The following ARFGAP3 variants were observed in gnomAD, a reference collection of about 807,000 sequenced individuals.
The protein encoded by ARFGAP3 is ADP-ribosylation factor GTPase-activating protein 3.
In ARFGAP3, 72 loss-of-function variants were observed where a neutral mutation model predicts 75.0. The observed-to-expected ratio is 0.96, with a 90% CI of 0.79 to 1.17. The LOEUF is 1.17. ARFGAP3 is among the 50% of genes most tolerant of loss of function. ARFGAP3 has a pLI of 0.00. For missense variants in ARFGAP3, 620 were observed against 626.6 expected, an observed-to-expected ratio of 0.99 and a Z score of 0.11; for synonymous variants, 221 against 217.9, an observed-to-expected ratio of 1.01 and a Z score of -0.13.
intron 5 of ARFGAP3, among the ~76,000 whole-genome samples, chr22:42,833,356 T>C (rs952962021): frequency 2.0e-5 from 3 of 152,176 alleles, no homozygotes; most frequent in African/African-American, 7.2e-5. Context: ...TAGTAATAAA[T>C]TCTCAGTTCT....
chr22:42,817,296 A>T (rs200976602), intron 10 of ARFGAP3, 32 bp from the exon 11 acceptor site: 480 of 1,562,136 alleles, frequency 3.1e-4, no homozygotes, highest in Non-Finnish European at 2.4e-4. Flanking sequence ...ATATATCAGT[A>T]AGTTCACAAA....
chr22:42,799,219 C>T, intron 14 of ARFGAP3, 59 bp from the exon 15 acceptor site: 1 of 1,599,790 alleles, frequency 6.3e-7, no homozygotes, highest in Non-Finnish European at 8.5e-7. Flanking sequence ...GCGGCAAACC[C>T]AGTACCCAGA....
intron 2 of ARFGAP3, 166 bp downstream of exon 2, chr22:42,847,348 A>G (rs764015299): frequency 3.0e-4 from 174 of 584,662 alleles, no homozygotes; most frequent in Non-Finnish European, 4.5e-4. Flanking sequence ...TATTTTTTGT[A>G]GAGGCTGAGT....
chr22:42,817,975 T>A, intron 9 of ARFGAP3, 118 bp from the exon 10 acceptor site: 1 of 1,286,588 alleles, frequency 7.8e-7, no homozygotes, highest in Non-Finnish European at 1.0e-6. Context: ...TTTCCATAAT[T>A]AACAATTATG....
intron 7 of ARFGAP3, among the ~76,000 whole-genome samples, chr22:42,826,422 C>G (rs1349937048): frequency 6.6e-6 from 1 of 151,750 alleles, no homozygotes; most frequent in African/African-American, 2.4e-5. Flanking sequence ...CTCTGTCACC[C>G]AGGGCAGAGT....
chr22:42,838,133 A>G (rs1181495347), intron 3 of ARFGAP3, among the ~76,000 whole-genome samples: 4 of 151,934 alleles, frequency 2.6e-5, no homozygotes, highest in African/African-American at 9.7e-5. Context: ...CATTGGATCC[A>G]ATTTAAATGG....
chr22:42,831,586 T>G lies in ARFGAP3; in HGVS notation c.528A>C (p.Thr176=), dbSNP rs201281390. 2 of 1,613,990 alleles carry G rather than the reference T, an allele frequency of 1.2e-6. No individual in the cohort carries two copies. The highest frequency in any genetic ancestry group is 1.7e-6 in the Non-Finnish European group (2 of 1,179,966). ...CCAAAGTGGTTTCCACAGGCCTTGATGTTAAAGAAGATGGTTCTGCTATTG... is the reference window on the plus strand; with the variant it reads ...CCAAAGTGGTTTCCACAGGCCTTGAGGTTAAAGAAGATGGTTCTGCTATTG... ...ASAIAEPSSL[T]SRPVETTLEN... is the part of the protein sequence containing the mutation. The change falls in exon 6 of 16, where the codon ACA becomes ACC. Residue 176 remains threonine, a synonymous_variant. Coordinates refer to ENST00000263245, the MANE Select transcript of ARFGAP3 (RefSeq NM_014570.5).
At chr22:42,810,003 TAAA>T (rs35072147) in intron 12 of ARFGAP3, among the ~76,000 whole-genome samples, 1,402 of 102,124 alleles carry the variant, frequency 0.014, 30 homozygotes, top group African/African-American at 0.044. Context: ...GACTCCATCT[TAAA>T]AAAAAAAAAA....
intron 6 of ARFGAP3, among the ~76,000 whole-genome samples, chr22:42,830,250 T>C (rs1195150827): frequency 2.2e-5 from 3 of 137,448 alleles, no homozygotes; most frequent in African/African-American, 8.9e-5. Context: ...CCCTAGTAGC[T>C]GGGATCACAG....
At chr22:42,846,096 A>T (rs1488670343) in intron 2 of ARFGAP3, among the ~76,000 whole-genome samples, 2 of 152,162 alleles carry the variant, frequency 1.3e-5, no homozygotes, top group African/African-American at 4.8e-5. Flanking sequence ...TCTTATAGAA[A>T]CAAATGCTCC....
rs573507701 is a variant in ARFGAP3, at chr22:42,846,981, CTG to C, written c.188+531_188+532del. Among the ~76,000 whole-genome samples the C allele has an allele frequency of 1.8e-4, 28 of 152,312 alleles. No homozygotes were observed. In the South Asian group the frequency reaches 3.7e-3, roughly 20 times the overall value. ...TAAGAACCTTCTTACTGGTTGGACTCTGTAGAGTCCAGAGGCAGCATCGCCTA... is the reference window on the plus strand; with the variant it reads ...TAAGAACCTTCTTACTGGTTGGACTCTAGAGTCCAGAGGCAGCATCGCCTA... On this transcript the variant is annotated intron_variant, in intron 2 of 15. Coordinates refer to ENST00000263245, the MANE Select transcript of ARFGAP3 (RefSeq NM_014570.5).
intron 2 of ARFGAP3, among the ~76,000 whole-genome samples, chr22:42,842,548 A>G: frequency 6.6e-6 from 1 of 151,806 alleles, no homozygotes; most frequent in East Asian, 1.9e-4. Context: ...TCTGGATTCA[A>G]GCAATTCTTG....
In ARFGAP3 at chr22:42,798,999, C is replaced by G. The variant is rs752647629; in HGVS notation, c.1533+40G>C. 8.3e-6 allele frequency: 13 copies of G among 1,570,072 alleles called. No individual in the cohort carries two copies. The Middle Eastern group carries it at 5.0e-4, about 61-fold the overall frequency. On this transcript the variant is annotated intron_variant, in intron 15 of 15. Transcript: ENST00000263245. ...AGGTCTCATTTTCAAACTGCTGAAC[C>G]TACCGTCATAGCCAGTGAGCACTGC...
chr22:42,799,352 C>T, intron 14 of ARFGAP3, 192 bp from the exon 15 acceptor site: 2 of 564,006 alleles, frequency 3.5e-6, no homozygotes, highest in Non-Finnish European at 4.5e-6. Flanking sequence ...AGAGAATCCA[C>T]ACGACAGAAA....
intron 4 of ARFGAP3, 82 bp downstream of exon 4, chr22:42,835,280 T>C (rs1602119281): frequency 2.0e-6 from 3 of 1,507,646 alleles, no homozygotes; most frequent in South Asian, 1.3e-5. Flanking sequence ...GGTAGAAAAG[T>C]TTTACTATTC....
Position 42,847,647 on chromosome 22 carries a change from T to C in ARFGAP3, c.70-15A>G. ...TCAAAACACACCTGAAAAAAAATGT[T>C]AAATTCAGTTACTAATTTATGTTAG... On this transcript the variant is annotated splice_polypyrimidine_tract_variant and intron_variant, in intron 1 of 15. Coordinates refer to ENST00000263245, the MANE Select transcript of ARFGAP3 (RefSeq NM_014570.5). 6.2e-7 allele frequency: 1 copy of C among 1,608,044 alleles called. No individual in the cohort carries two copies. The highest frequency in any genetic ancestry group is 1.3e-5 in the African/African-American group (1 of 74,758).
chr22:42,832,769 T>A (rs1458996147), intron 5 of ARFGAP3, among the ~76,000 whole-genome samples: 1 of 151,988 alleles, frequency 6.6e-6, no homozygotes, highest in Non-Finnish European at 1.5e-5. Flanking sequence ...GTGGATCACC[T>A]GAGGTCAGGA....
At chr22:42,841,462 G>A (rs140719194) in intron 2 of ARFGAP3, among the ~76,000 whole-genome samples, 2 of 152,256 alleles carry the variant, frequency 1.3e-5, no homozygotes, top group African/African-American at 2.4e-5. Flanking sequence ...CCAACATCAC[G>A]ACCAGCAGAG....
Position 42,834,250 on chromosome 22 carries a change from A to C in ARFGAP3, c.469T>G (p.Ser157Ala). The C allele has an allele frequency of 6.2e-7, 1 of 1,613,968 alleles. No individual in the cohort carries two copies. Among genetic ancestry groups the C allele is most frequent in the Non-Finnish European group, 8.5e-7 (1 of 1,179,942 alleles). ...KEEDFFASHVSPEVSDTAWAS... is the reference protein window; with the variant it reads ...KEEDFFASHVAPEVSDTAWAS... ...TGAAGCATAATACATACCTCAGGAG[A>C]AACGTGAGAGGCAAAAAAATCTTCC... The change falls in exon 5 of 16, where the codon TCT becomes GCT. Residue 157 changes from serine (S) to alanine (A), a missense_variant. Transcript: ENST00000263245.
Sources: allele counts gnomAD v4.1 joint callset (sites outside exome capture counted in the v4.1 genomes callset), GRCh38; gene constraint gnomAD v4.1.1; transcripts MANE v1.5; gene names NCBI Gene and HGNC (gene_info 2026-07-23, HGNC 2026-07-21).